The following DOCK2 variants were observed in gnomAD, a reference collection of about 807,000 sequenced individuals.
DOCK2 encodes dedicator of cytokinesis 2.
In DOCK2, 87 loss-of-function variants were observed where a neutral mutation model predicts 248.9. The observed-to-expected ratio is 0.35, with a 90% CI of 0.29 to 0.42. The LOEUF (loss-of-function observed/expected upper bound fraction) is 0.42, where lower values mean the gene tolerates loss of function less well. Ranked by LOEUF, DOCK2 falls within the 10% of genes least tolerant of loss-of-function variation. The pLI is 1.00. For missense variants in DOCK2, 1,747 were observed against 2,300.2 expected, an observed-to-expected ratio of 0.76 and a Z score of 4.92; for synonymous variants, 805 against 821.6, an observed-to-expected ratio of 0.98 and a Z score of 0.35.
chr5:169,687,003 T>G (rs79397335), intron 8 of DOCK2, among the ~76,000 whole-genome samples: 3,064 of 152,186 alleles, frequency 0.02, 45 homozygotes, highest in East Asian at 0.031. Context: ...TTCTACCACC[T>G]AGATCTTCCT....
chr5:170,043,927 A>AT (rs766042397), intron 38 of DOCK2, among the ~76,000 whole-genome samples: 1 of 152,200 alleles, frequency 6.6e-6, no homozygotes, highest in Non-Finnish European at 1.5e-5. Context: ...CAATAATAAT[A>AT]TTTTTTGCAT....
rs192804433 is a variant in DOCK2, at chr5:169,683,349, C to G, written c.607-847C>G. Among the ~76,000 whole-genome samples, 197 of 152,246 alleles carry G rather than the reference C, an allele frequency of 1.3e-3. 1 individual carries two copies. The highest frequency in any genetic ancestry group is 4.2e-3 in the African/African-American group (175 of 41,548). On this transcript the variant is annotated intron_variant, in intron 7 of 51. Coordinates refer to ENST00000520908, the MANE Select transcript of DOCK2 (RefSeq NM_004946.3). ...GGCTCAGGTGATTGTTCTACCTCAG[C>G]CTCCCAAGTAGCTGGGATCACAGGT...
intron 27 of DOCK2, among the ~76,000 whole-genome samples, chr5:169,899,529 G>A (rs1198496152): frequency 6.6e-6 from 1 of 152,118 alleles, no homozygotes; most frequent in Non-Finnish European, 1.5e-5. Flanking sequence ...AGGATAGAAG[G>A]GCCAAAAGAT....
At chr5:169,974,205 T>A (rs2113770453) in intron 27 of DOCK2, among the ~76,000 whole-genome samples, 1 of 152,330 alleles carries the variant, frequency 6.6e-6, no homozygotes, top group South Asian at 2.1e-4. Context: ...CAAGTAAAAA[T>A]GGTATTACCA....
At chr5:169,658,900 T>C (rs1758282329) in intron 2 of DOCK2, among the ~76,000 whole-genome samples, 1 of 151,346 alleles carries the variant, frequency 6.6e-6, no homozygotes, top group East Asian at 1.9e-4. Flanking sequence ...AAGAATAAAA[T>C]AACAATCACT....
intron 2 of DOCK2, among the ~76,000 whole-genome samples, chr5:169,660,023 C>T (rs1284749472): frequency 6.6e-6 from 1 of 152,126 alleles, no homozygotes; most frequent in East Asian, 1.9e-4. Flanking sequence ...GCTTTCTTTC[C>T]AGTTCTTTGT....
intron 40 of DOCK2, among the ~76,000 whole-genome samples, chr5:170,049,051 C>T (rs550794758): frequency 6.6e-6 from 1 of 152,282 alleles, no homozygotes; most frequent in South Asian, 2.1e-4. Flanking sequence ...GAGGTGGCTT[C>T]CCAAACCTGG....
intron 27 of DOCK2, among the ~76,000 whole-genome samples, chr5:169,900,602 T>C (rs1481911538): frequency 6.6e-6 from 1 of 152,210 alleles, no homozygotes; most frequent in African/African-American, 2.4e-5. Context: ...TGGGCTGTAA[T>C]ATTAAGAGTA....
At chr5:170,055,778 C>G (rs1348241136) in intron 42 of DOCK2, among the ~76,000 whole-genome samples, 1 of 152,220 alleles carries the variant, frequency 6.6e-6, no homozygotes, top group African/African-American at 2.4e-5. Flanking sequence ...TGAGCACATG[C>G]TCCCAGAGGG....
intron 1 of DOCK2, among the ~76,000 whole-genome samples, chr5:169,651,118 G>A (rs1410252658): frequency 1.3e-5 from 2 of 152,196 alleles, no homozygotes; most frequent in South Asian, 2.1e-4. Flanking sequence ...GCCATCAAAC[G>A]TAGCAGAGGG....
At chr5:169,709,253 G>T (rs11958337) in intron 15 of DOCK2, among the ~76,000 whole-genome samples, 91 of 152,250 alleles carry the variant, frequency 6.0e-4, no homozygotes, top group African/African-American at 2.1e-3. Context: ...ATTGGTAGTG[G>T]CAGGCAGCTT....
chr5:169,934,537 A>C, intron 27 of DOCK2: 1 of 421,936 alleles, frequency 2.4e-6, no homozygotes, highest in Non-Finnish European at 4.8e-6. Context: ...TTCCAGCCTA[A>C]TTGTATGCGC....
rs1760409652 is a variant in DOCK2, at chr5:169,693,224, G to C, written c.844-2579G>C. 2.0e-5 allele frequency among the ~76,000 whole-genome samples: 3 copies of C among 152,212 alleles called. No individual in the cohort carries two copies. The South Asian group carries it at 6.2e-4, about 32-fold the overall frequency. ...GAAAGGATGTGGATATGTAGAGGAG[G>C]AAGAGGCAAGCATTGGAGGGGAAGT... On this transcript the variant is annotated intron_variant, in intron 9 of 51. Coordinates refer to ENST00000520908, the MANE Select transcript of DOCK2 (RefSeq NM_004946.3).
rs34023676 is a variant in DOCK2 at position 169,971,188 on chromosome 5, C to CAAA, written c.2800-11871_2800-11869dup. On this transcript the variant is annotated intron_variant, in intron 27 of 51. Transcript: ENST00000520908. The stretch of plus-strand genomic sequence containing the variant: ...AGAGGTGAACAGAGGGAAAGAAAGG[C>CAAA]AAAAAAAAAAATGAGTATGACATCA... Among the ~76,000 whole-genome samples, 137 of 143,814 alleles carry CAAA rather than the reference C, an allele frequency of 9.5e-4. 1 individual carries two copies. The highest frequency in any genetic ancestry group is 1.0e-3 in the Admixed American group (15 of 14,566). 94.3% of individuals were successfully genotyped at this position (143,814 alleles called of 152,430 possible).
intron 2 of DOCK2, among the ~76,000 whole-genome samples, chr5:169,662,284 C>A (rs1394044601): frequency 6.6e-6 from 1 of 152,136 alleles, no homozygotes; most frequent in Non-Finnish European, 1.5e-5. Flanking sequence ...TATTCAGTTT[C>A]TTTGCCTATT....
At chr5:169,774,768 A>G (rs1171691234) in intron 25 of DOCK2, among the ~76,000 whole-genome samples, 1 of 152,092 alleles carries the variant, frequency 6.6e-6, no homozygotes, top group African/African-American at 2.4e-5. Context: ...TACAACTCAG[A>G]TTTTCTACTT....
chr5:169,857,005 A>G (rs559105530), intron 27 of DOCK2, among the ~76,000 whole-genome samples: 24 of 152,324 alleles, frequency 1.6e-4, no homozygotes, highest in African/African-American at 5.1e-4. Flanking sequence ...GCCATTTATG[A>G]TAATAAAACT....
At chr5:169,955,983 G>A (rs1776849227) in intron 27 of DOCK2, among the ~76,000 whole-genome samples, 1 of 151,998 alleles carries the variant, frequency 6.6e-6, no homozygotes, top group South Asian at 2.1e-4. Context: ...AAGGAACAGG[G>A]TGTGGCTCTG....
chr5:169,733,165 T>A (rs908868761), intron 22 of DOCK2, among the ~76,000 whole-genome samples: 1 of 152,132 alleles, frequency 6.6e-6, no homozygotes, highest in Non-Finnish European at 1.5e-5. Context: ...TTTTTTGGGA[T>A]TGTTTTCAAT....
Sources: gnomAD v4.1 joint callset for allele counts (sites outside exome capture counted in the v4.1 genomes callset) on GRCh38, gnomAD v4.1.1 for gene constraint, MANE v1.5 for transcripts, NCBI Gene and HGNC (gene_info 2026-07-23, HGNC 2026-07-21) for gene names.